KHDRBS2: variants seen among roughly 807,000 people sequenced by gnomAD.
KHDRBS2 encodes KH RNA binding domain containing, signal transduction associated 2.
KHDRBS2 carries 26 observed loss-of-function variants against 44.3 expected under a neutral mutation model. The observed-to-expected ratio is 0.59, with a 90% CI of 0.43 to 0.81. The LOEUF (loss-of-function observed/expected upper bound fraction) is 0.81, where lower values mean the gene tolerates loss of function less well. Among genes scored for constraint, KHDRBS2 ranks in the 40% least tolerant of loss-of-function variants. The pLI is 0.00. For missense variants in KHDRBS2, 476 were observed against 433.1 expected, an observed-to-expected ratio of 1.10 and a Z score of -0.88; for synonymous variants, 194 against 151.1, an observed-to-expected ratio of 1.28 and a Z score of -2.08.
chr6:61,944,598 T>TAA (rs1812817050), intron 4 of KHDRBS2, among the ~76,000 whole-genome samples: 2 of 152,172 alleles, frequency 1.3e-5, no homozygotes. Flanking sequence ...CAGATCAGGG[T>TAA]GAGTAGCAGT....
chr6:61,949,383 G>A (rs577449875), intron 4 of KHDRBS2, among the ~76,000 whole-genome samples: 1 of 152,086 alleles, frequency 6.6e-6, no homozygotes, highest in South Asian at 2.1e-4. Context: ...GCTTTTTATG[G>A]TGAACAAACA....
At chr6:61,968,309 G>T (rs1770570253) in intron 4 of KHDRBS2, among the ~76,000 whole-genome samples, 1 of 151,762 alleles carries the variant, frequency 6.6e-6, no homozygotes, top group African/African-American at 2.4e-5. Context: ...AAAATGTTTG[G>T]CAATGCATAA....
intron 2 of KHDRBS2, among the ~76,000 whole-genome samples, chr6:62,173,724 C>G (rs1374382149): frequency 1.3e-5 from 2 of 152,042 alleles, no homozygotes; most frequent in Non-Finnish European, 2.9e-5. Flanking sequence ...ATTCCACAAT[C>G]AGGTAGGCTT....
chr6:61,775,696 T>C (rs1781850902), intron 6 of KHDRBS2, among the ~76,000 whole-genome samples: 5 of 152,174 alleles, frequency 3.3e-5, no homozygotes, highest in Admixed American at 2.6e-4. Context: ...AGAATCAATA[T>C]TGCGAAAATG....
chr6:61,544,414 C>A, the KHDRBS2 span, among the ~76,000 whole-genome samples: 1 of 151,996 alleles, frequency 6.6e-6, no homozygotes, highest in South Asian at 2.1e-4. Context: ...ATTTTAAAAT[C>A]ATTTTTAAAA....
intron 1 of KHDRBS2, among the ~76,000 whole-genome samples, chr6:62,207,944 A>T (rs1828303233): frequency 6.6e-6 from 1 of 152,086 alleles, no homozygotes; most frequent in African/African-American, 2.4e-5. Flanking sequence ...AAAATCTCTA[A>T]TACAATTTTA....
chr6:61,806,766 T>C (rs370539395), intron 6 of KHDRBS2, among the ~76,000 whole-genome samples: 1 of 152,106 alleles, frequency 6.6e-6, no homozygotes, highest in Non-Finnish European at 1.5e-5. Context: ...CTAATTTCTA[T>C]AGATACTGGC....
At chr6:62,028,405 A>G (rs142443673) in intron 3 of KHDRBS2, among the ~76,000 whole-genome samples, 84 of 152,216 alleles carry the variant, frequency 5.5e-4, no homozygotes, top group African/African-American at 1.9e-3. Context: ...TGAGAACTCA[A>G]TATATTAAAA....
chr6:61,597,066 G>T, the KHDRBS2 span, among the ~76,000 whole-genome samples: 2 of 152,176 alleles, frequency 1.3e-5, no homozygotes, highest in Non-Finnish European at 2.9e-5. Context: ...AACGGCATAG[G>T]TAAAGGCCTA....
At chr6:62,067,532 C>G (rs1381882033) in intron 2 of KHDRBS2, among the ~76,000 whole-genome samples, 1 of 151,382 alleles carries the variant, frequency 6.6e-6, no homozygotes, top group Admixed American at 6.6e-5. Context: ...ATAGAGCCCT[C>G]CAGAAAGTCT....
At chr6:62,123,293 T>A (rs1808145534) in intron 2 of KHDRBS2, among the ~76,000 whole-genome samples, 1 of 152,224 alleles carries the variant, frequency 6.6e-6, no homozygotes, top group African/African-American at 2.4e-5. Context: ...TAATCCAGTC[T>A]ATCATTGATG....
chr6:62,050,968 C>A (rs140727285), intron 2 of KHDRBS2, among the ~76,000 whole-genome samples: 89 of 152,118 alleles, frequency 5.9e-4, no homozygotes, highest in African/African-American at 1.8e-3. Flanking sequence ...GACACAACAA[C>A]CTGGATGTAT....
chr6:61,805,814 C>T (rs751208789), intron 6 of KHDRBS2, among the ~76,000 whole-genome samples: 4 of 152,162 alleles, frequency 2.6e-5, no homozygotes, highest in Middle Eastern at 3.2e-3. Flanking sequence ...TGAGGTCCCT[C>T]GCCCAAAATG....
chr6:62,210,504 T>C (rs1175503904), intron 1 of KHDRBS2, among the ~76,000 whole-genome samples: 1 of 151,948 alleles, frequency 6.6e-6, no homozygotes, highest in Non-Finnish European at 1.5e-5. Flanking sequence ...CTAATTTTTG[T>C]ATTTTTAGTA....
chr6:61,746,094 C>T (rs1213545252), intron 6 of KHDRBS2, among the ~76,000 whole-genome samples: 8 of 151,764 alleles, frequency 5.3e-5, no homozygotes, highest in Non-Finnish European at 7.4e-5. Flanking sequence ...CTTTAAGTTC[C>T]GGGATACATG....
chr6:61,949,337 C>G (rs1374034071), intron 4 of KHDRBS2, among the ~76,000 whole-genome samples: 3 of 152,034 alleles, frequency 2.0e-5, no homozygotes, highest in Non-Finnish European at 4.4e-5. Context: ...GTCATGGTGA[C>G]TAATACTTCT....
At chr6:61,742,809 GT>G (rs1469397808) in intron 6 of KHDRBS2, among the ~76,000 whole-genome samples, 3 of 151,998 alleles carry the variant, frequency 2.0e-5, no homozygotes. Flanking sequence ...AATCTTTGGA[GT>G]TTTCTATAGA....
intron 1 of KHDRBS2, among the ~76,000 whole-genome samples, chr6:62,225,931 G>T (rs1831723688): frequency 6.6e-6 from 1 of 152,082 alleles, no homozygotes; most frequent in Non-Finnish European, 1.5e-5. Flanking sequence ...TTTATTCAGT[G>T]TATCATTGAA....
chr6:61,689,995 A>T (rs1468988708), intron 8 of KHDRBS2, among the ~76,000 whole-genome samples: 3 of 152,008 alleles, frequency 2.0e-5, no homozygotes, highest in Non-Finnish European at 4.4e-5. Flanking sequence ...ATTTAACAAT[A>T]TTCTAGTCCA....
Sources: gnomAD v4.1 joint callset for allele counts (sites outside exome capture counted in the v4.1 genomes callset) on GRCh38, gnomAD v4.1.1 for gene constraint, MANE v1.5 for transcripts, NCBI Gene and HGNC (gene_info 2026-07-23, HGNC 2026-07-21) for gene names.